The following TRPV2 variants were observed in gnomAD, a reference collection of about 807,000 sequenced individuals.
TRPV2 encodes the protein transient receptor potential cation channel subfamily V member 2, also known as OTRPC2.
TRPV2 carries 58 observed loss-of-function variants against 91.0 expected under a neutral mutation model. That is an observed-to-expected ratio of 0.64 (90% confidence interval 0.52 to 0.79). TRPV2 has a LOEUF of 0.79. Ranked by LOEUF, TRPV2 falls within the 30% of genes least tolerant of loss-of-function variation. The pLI is 0.00. For missense variants in TRPV2, 807 were observed against 969.6 expected (o/e 0.83, Z 2.23); for synonymous variants, 417 against 414.8 (o/e 1.01, Z -0.06).
intron 10 of TRPV2, among the ~76,000 whole-genome samples, chr17:16,431,285 ATACATATTTTTTTT>A (rs1464494971): frequency 2.7e-4 from 12 of 43,676 alleles, no homozygotes; most frequent in African/African-American, 4.1e-4. Context: ...ATATATATAT[ATACATATTTTTTTT>A]TTTTTTTTTT....
At chr17:16,421,650 T>C (rs947378010) in intron 3 of TRPV2, among the ~76,000 whole-genome samples, 2 of 149,976 alleles carry the variant, frequency 1.3e-5, no homozygotes, top group African/African-American at 4.9e-5. Flanking sequence ...GCCTCCCGAG[T>C]AGCTGGGATT....
chr17:16,432,669 C>T (rs1385197368), intron 12 of TRPV2, among the ~76,000 whole-genome samples: 1 of 152,020 alleles, frequency 6.6e-6, no homozygotes, highest in Non-Finnish European at 1.5e-5. Context: ...GGTGATCCTC[C>T]CACCTTTGCC....
In TRPV2 at chr17:16,428,871, C is replaced by T. The variant is rs867587637; in HGVS notation, c.1476C>T (p.Ile492=). ...VVSQVLCFLA[I]EWYLPLLVSA... ...CCCAGGTGCTGTGTTTCCTGGCCAT[C>T]GAGTGGTACCTGCCCCTGCTTGTGT... Residue 492 remains isoleucine (I), a synonymous_variant, in exon 10 of 15, where the codon ATC becomes ATT. Coordinates refer to ENST00000338560, the MANE Select transcript of TRPV2 (RefSeq NM_016113.5). 5.6e-6 allele frequency: 9 copies of T among 1,614,078 alleles called. No individual in the cohort carries two copies. Among genetic ancestry groups the T allele is most frequent in the Middle Eastern group, 1.7e-4 (1 of 5,956 alleles).
intron 2 of TRPV2, among the ~76,000 whole-genome samples, chr17:16,418,677 C>T (rs530983308): frequency 3.9e-4 from 60 of 152,160 alleles, no homozygotes; most frequent in Admixed American, 1.8e-3. Context: ...GGAGCCTGCC[C>T]GACACAGGCA....
At chr17:16,428,563 G>A in intron 9 of TRPV2, 176 bp downstream of exon 9, 2 of 764,168 alleles carry the variant, frequency 2.6e-6, no homozygotes, top group South Asian at 1.7e-5. Flanking sequence ...GGCCCCTTGT[G>A]CTCCCATCAC....
intron 12 of TRPV2, 102 bp from the exon 13 acceptor site, chr17:16,433,470 ACT>A: frequency 6.7e-7 from 1 of 1,496,900 alleles, no homozygotes; most frequent in Non-Finnish European, 9.0e-7. Context: ...TTCGCGTTAT[ACT>A]GTGAAGTGCT....
intron 10 of TRPV2, among the ~76,000 whole-genome samples, chr17:16,431,292 T>TATATACACATA (rs1491493192): frequency 2.5e-4 from 4 of 16,294 alleles, no homozygotes; most frequent in African/African-American, 1.3e-3. Flanking sequence ...TATATACATA[T>TATATACACATA]TTTTTTTTTT....
chr17:16,436,034 T>C (rs2093432595), intron 14 of TRPV2, among the ~76,000 whole-genome samples: 1 of 152,016 alleles, frequency 6.6e-6, no homozygotes, highest in South Asian at 2.1e-4. Flanking sequence ...GCAGGTCACA[T>C]GTATGTCACC....
At chr17:16,422,454 T>C (rs2093362552) in intron 3 of TRPV2, 145 bp from the exon 4 acceptor site, 3 of 725,214 alleles carry the variant, frequency 4.1e-6, no homozygotes, top group East Asian at 2.7e-5. Context: ...GCCTATAACA[T>C]GGTTGTGCTC....
At chr17:16,428,578 G>C (rs1396413107) in intron 9 of TRPV2, 191 bp downstream of exon 9, 1 of 718,406 alleles carries the variant, frequency 1.4e-6, no homozygotes, top group Non-Finnish European at 2.3e-6. Context: ...CATCACTGTA[G>C]ATGGTGATAG....
chr17:16,424,074 C>T lies in TRPV2; in HGVS notation c.924+307C>T, dbSNP rs567782587. Among the ~76,000 whole-genome samples the T allele has an allele frequency of 2.0e-5, 3 of 152,186 alleles. No individual in the cohort carries two copies. In the East Asian group the frequency reaches 5.8e-4, roughly 29 times the overall value. On this transcript the variant is annotated intron_variant, in intron 5 of 14. Coordinates refer to ENST00000338560, the MANE Select transcript of TRPV2 (RefSeq NM_016113.5). ...GTGCGACCTCGGCTCACCGCAACCT[C>T]TGCTTCCCAGGTTCAAGCGATTCTC...
chr17:16,429,927 C>T (rs2142997018), intron 10 of TRPV2, among the ~76,000 whole-genome samples: 1 of 151,646 alleles, frequency 6.6e-6, no homozygotes, highest in African/African-American at 2.4e-5. Context: ...TGCAATGGCA[C>T]CATCTCAGCT....
chr17:16,426,896 G>T lies in TRPV2; in HGVS notation c.1251+19G>T, dbSNP rs373565191. The T allele has an allele frequency of 2.1e-5, 34 of 1,607,934 alleles. No individual in the cohort carries two copies. The highest frequency in any genetic ancestry group is 1.7e-4 in the Middle Eastern group (1 of 6,024). ...GAAGAAGGCAAGGGCGTGAGGTTTG[G>T]GGGGGCACATCTTGGGGGAGGCCTG... is the stretch of plus-strand genomic sequence containing the variant. On this transcript the variant is annotated intron_variant, in intron 7 of 14. Coordinates refer to ENST00000338560, the MANE Select transcript of TRPV2 (RefSeq NM_016113.5). The surrounding 1 kb of genome is among the most constrained non-coding windows in gnomAD (Gnocchi z 6.0).
Position 16,433,654 on chromosome 17 carries a change from T to G in TRPV2, c.2070T>G (p.Val690=), listed in dbSNP as rs1029047571. 1 of 1,614,182 alleles carries G rather than the reference T, an allele frequency of 6.2e-7. No individual in the cohort carries two copies. The highest frequency in any genetic ancestry group is 8.5e-7 in the Non-Finnish European group (1 of 1,180,030). The change falls in exon 13 of 15, where the codon GTT becomes GTG. Residue 690 remains valine, a synonymous_variant. Transcript: ENST00000338560. ...AGCGGGCAGGTGTGATGCTGACCGT[T>G]GGCACTAAGCCAGATGGCAGCCCCG... ...KKQRAGVMLT[V]GTKPDGSPDE... is the part of the protein sequence containing the mutation.
intron 2 of TRPV2, among the ~76,000 whole-genome samples, chr17:16,418,175 C>A (rs1460276058): frequency 1.3e-5 from 2 of 152,246 alleles, no homozygotes. Flanking sequence ...CCAACTCCCA[C>A]CCCTGTCATG....
In TRPV2 at chr17:16,431,282, TATATACATA is replaced by T. The variant is rs1265716543; in HGVS notation, c.1588-501_1588-493del. Among the ~76,000 whole-genome samples, 7 of 55,748 alleles carry T rather than the reference TATATACATA, an allele frequency of 1.3e-4. No homozygotes were observed. In the South Asian group the frequency reaches 2.1e-3, roughly 17 times the overall value. The allele number at this position is 55,748 out of a possible 152,430, so 36.6% of individuals were successfully genotyped here. ...ATATATATATATATATATATATATA[TATATACATA>T]TTTTTTTTTTTTTTTTTTTTGAGAC... On this transcript the variant is annotated intron_variant, in intron 10 of 14. Coordinates refer to ENST00000338560, the MANE Select transcript of TRPV2 (RefSeq NM_016113.5).
chr17:16,416,401 C>T (rs913962736), intron 1 of TRPV2: 1 of 153,524 alleles, frequency 6.5e-6, no homozygotes, highest in African/African-American at 2.4e-5. Context: ...TCTTTCTGAT[C>T]CTGCTCACTG....
chr17:16,420,361 C>T, intron 3 of TRPV2, 113 bp downstream of exon 3: 1 of 1,337,968 alleles, frequency 7.5e-7, no homozygotes, highest in Non-Finnish European at 1.0e-6. Context: ...CTCAGCAGCC[C>T]TCCCACTGGA....
chr17:16,436,902 A>T lies in TRPV2; in HGVS notation c.*13A>T, dbSNP rs752453301. The T allele has an allele frequency of 6.2e-7, 1 of 1,605,540 alleles. No individual in the cohort carries two copies. The highest frequency in any genetic ancestry group is 2.2e-5 in the East Asian group (1 of 44,832). On this transcript the variant is annotated 3_prime_UTR_variant, in exon 15 of 15. Coordinates refer to ENST00000338560, the MANE Select transcript of TRPV2 (RefSeq NM_016113.5). ...CCAGTCCAACTGATGGCCCAGATGC[A>T]GCAGGAGGCCAGAGGACAGAGCAGA...
Sources: allele counts gnomAD v4.1 joint callset (sites outside exome capture counted in the v4.1 genomes callset), GRCh38; gene constraint gnomAD v4.1.1; non-coding constraint Gnocchi (gnomAD v3.1); transcripts MANE v1.5; gene names NCBI Gene and HGNC (gene_info 2026-07-23, HGNC 2026-07-21).